The following CADPS variants were observed in gnomAD, a reference collection of about 807,000 sequenced individuals.
CADPS encodes calcium dependent secretion activator.
In CADPS, 57 loss-of-function variants were observed where a neutral mutation model predicts 167.3. The ratio of observed to expected loss-of-function variants is 0.34; its 90% CI spans 0.28 to 0.42. CADPS has a LOEUF of 0.42. CADPS is among the 20% of genes least tolerant of loss of function. The probability of loss-of-function intolerance (pLI) is 1.00; values close to 1 mark genes in which losing one functional copy is unlikely to be tolerated. For synonymous variants in CADPS, 676 were observed against 635.3 expected (o/e 1.06, Z -0.96); for missense variants, 1,414 against 1,738.1 (o/e 0.81, Z 3.32).
intron 8 of CADPS, among the ~76,000 whole-genome samples, chr3:62,582,161 T>G (rs1212866278): frequency 6.6e-6 from 1 of 152,222 alleles, no homozygotes; most frequent in Non-Finnish European, 1.5e-5. Context: ...AAATTGCTTT[T>G]TCGGCAGGGC....
chr3:62,491,793 C>T (rs2063786100), intron 20 of CADPS, among the ~76,000 whole-genome samples: 1 of 151,952 alleles, frequency 6.6e-6, no homozygotes. Flanking sequence ...GTTTTTCTTG[C>T]ACCCACTTCC....
chr3:62,757,964 T>C (rs1487761465), intron 2 of CADPS, among the ~76,000 whole-genome samples: 1 of 152,226 alleles, frequency 6.6e-6, no homozygotes, highest in Non-Finnish European at 1.5e-5. Flanking sequence ...GCTCCCATGA[T>C]TCAATTACCT....
intron 8 of CADPS, among the ~76,000 whole-genome samples, chr3:62,583,666 G>A (rs2083944736): frequency 6.6e-6 from 1 of 152,152 alleles, no homozygotes; most frequent in African/African-American, 2.4e-5. Flanking sequence ...ACCTTGGGTT[G>A]AGTCACTGGT....
chr3:62,862,163 CATTA>C (rs556700749), intron 1 of CADPS, among the ~76,000 whole-genome samples: 8 of 151,022 alleles, frequency 5.3e-5, no homozygotes, highest in African/African-American at 1.2e-4. Flanking sequence ...ATATTGACTC[CATTA>C]ATTGTTAAAT....
intron 6 of CADPS, among the ~76,000 whole-genome samples, chr3:62,614,880 T>G (rs1289967657): frequency 6.6e-6 from 1 of 152,188 alleles, no homozygotes; most frequent in African/African-American, 2.4e-5. Context: ...CAGCCTCTCT[T>G]TTCTTGTCTG....
intron 3 of CADPS, among the ~76,000 whole-genome samples, chr3:62,731,805 CAAAAAA>C (rs1212456893): frequency 3.7e-5 from 1 of 27,136 alleles, no homozygotes; most frequent in East Asian, 1.1e-3. Flanking sequence ...TGATCATATG[CAAAAAA>C]AAAAAAAAAA....
At chr3:62,835,867 A>G (rs73097444) in intron 1 of CADPS, among the ~76,000 whole-genome samples, 13,476 of 152,302 alleles carry the variant, frequency 0.088, 759 homozygotes, top group Admixed American at 0.13. Flanking sequence ...TTATTTTTGA[A>G]AAATATTTTT....
intron 6 of CADPS, among the ~76,000 whole-genome samples, chr3:62,629,768 G>GTTTTTTTTTTTT (rs56393514): frequency 6.7e-6 from 1 of 148,262 alleles, no homozygotes; most frequent in Admixed American, 6.7e-5. Context: ...TTTTTTTTTT[G>GTTTTTTTTTTTT]TTTGTTTGTT....
intron 1 of CADPS, among the ~76,000 whole-genome samples, chr3:62,814,970 G>A (rs1015513804): frequency 7.2e-5 from 11 of 152,096 alleles, no homozygotes; most frequent in African/African-American, 1.7e-4. Context: ...CGGGACTTCC[G>A]TCTTCTTTTT....
chr3:62,828,722 C>T lies in CADPS; in HGVS notation c.441+45867G>A, dbSNP rs555583683. Among the ~76,000 whole-genome samples, 5 of 151,944 alleles carry T rather than the reference C, an allele frequency of 3.3e-5. No individual in the cohort carries two copies. In the South Asian group the frequency reaches 1.0e-3, roughly 32 times the overall value. On this transcript the variant is annotated intron_variant, in intron 1 of 29. Coordinates refer to ENST00000383710, the MANE Select transcript of CADPS (RefSeq NM_003716.4). ...CTTTTAATAACATGTAAATATATACCAGCAGATTTAAAAAAATTATCTTCG... is the reference window on the plus strand; with the variant it reads ...CTTTTAATAACATGTAAATATATACTAGCAGATTTAAAAAAATTATCTTCG...
At chr3:62,659,868 C>G (rs962005322) in intron 4 of CADPS, among the ~76,000 whole-genome samples, 3 of 152,200 alleles carry the variant, frequency 2.0e-5, no homozygotes, top group African/African-American at 7.2e-5. Context: ...GAACAGGAGA[C>G]AGTAGAGGGC....
intron 7 of CADPS, among the ~76,000 whole-genome samples, chr3:62,585,910 T>C (rs997469871): frequency 4.6e-5 from 7 of 152,192 alleles, no homozygotes; most frequent in African/African-American, 1.7e-4. Context: ...TGCCCGGGCA[T>C]GGAGGAAAGC....
In CADPS at chr3:62,438,438, T is replaced by C. The variant is rs775829126; in HGVS notation, c.3670-227A>G. On this transcript the variant is annotated intron_variant, in intron 27 of 29. Coordinates refer to ENST00000383710, the MANE Select transcript of CADPS (RefSeq NM_003716.4). This position sits in a 1 kb window ranked among gnomAD's most constrained non-coding sequence, Gnocchi z 4.7. ...CTGGCTAAGAAGGGCATTGAGATTG[T>C]AGGATTTTATAAATAGTTTTTCTAT... The C allele has an allele frequency of 6.1e-5, 28 of 460,866 alleles. No homozygotes were observed. Among genetic ancestry groups the C allele is most frequent in the Non-Finnish European group, 1.1e-4 (28 of 257,408 alleles). The allele number at this position is 460,866 out of a possible 1,614,324, so 28.5% of individuals were successfully genotyped here. A position where few individuals can be genotyped will look rare whatever the true frequency, so the allele number is the denominator to read the frequency against.
chr3:62,463,263 G>T (rs1008139808), intron 26 of CADPS, among the ~76,000 whole-genome samples: 1 of 152,160 alleles, frequency 6.6e-6, no homozygotes, highest in South Asian at 2.1e-4. Flanking sequence ...AGTAATTAGG[G>T]TGGGGCCCTT....
intron 3 of CADPS, among the ~76,000 whole-genome samples, chr3:62,702,547 C>T (rs990572300): frequency 1.3e-5 from 2 of 152,002 alleles, no homozygotes; most frequent in Non-Finnish European, 2.9e-5. Flanking sequence ...AGGGAACAAA[C>T]GTGAAATGTT....
intron 17 of CADPS, among the ~76,000 whole-genome samples, chr3:62,506,336 C>T (rs1031069335): frequency 5.9e-5 from 9 of 151,978 alleles, no homozygotes; most frequent in African/African-American, 2.2e-4. Flanking sequence ...TGCAGTGAGC[C>T]GAGATCACCC....
At chr3:62,526,678 C>G (rs2072313892) in intron 13 of CADPS, among the ~76,000 whole-genome samples, 1 of 152,148 alleles carries the variant, frequency 6.6e-6, no homozygotes, top group African/African-American at 2.4e-5. Flanking sequence ...TTATGATCGC[C>G]AAATGCAACC....
chr3:62,440,026 A>T (rs1186883533), intron 27 of CADPS: 1 of 152,138 alleles, frequency 6.6e-6, no homozygotes, highest in Non-Finnish European at 1.5e-5. Flanking sequence ...AGCACTTACC[A>T]ATAGCTGATG....
At chr3:62,716,354 TATG>T (rs1477104921) in intron 3 of CADPS, among the ~76,000 whole-genome samples, 1 of 152,210 alleles carries the variant, frequency 6.6e-6, no homozygotes, top group Non-Finnish European at 1.5e-5. Context: ...GTGCCTGGCC[TATG>T]ATAATAAATC....
Sources: allele counts gnomAD v4.1 joint callset (sites outside exome capture counted in the v4.1 genomes callset), GRCh38; gene constraint gnomAD v4.1.1; non-coding constraint Gnocchi (gnomAD v3.1); transcripts MANE v1.5; gene names NCBI Gene and HGNC (gene_info 2026-07-23, HGNC 2026-07-21).